The following SH3GL3 variants were observed in gnomAD, a reference collection of about 807,000 sequenced individuals.
SH3GL3 encodes SH3 domain containing GRB2 like 3, endophilin A3.
Under a neutral mutation model 47.7 loss-of-function variants are expected in SH3GL3, and 33 were observed. The observed-to-expected ratio is 0.69, with a 90% CI of 0.52 to 0.92. The LOEUF (loss-of-function observed/expected upper bound fraction) is 0.92, where lower values mean the gene tolerates loss of function less well. Among genes scored for constraint, SH3GL3 ranks in the 40% least tolerant of loss-of-function variants. SH3GL3 has a pLI of 0.00. For missense variants in SH3GL3, 363 were observed against 417.8 expected (o/e 0.87, Z 1.14); for synonymous variants, 155 against 148.8 (o/e 1.04, Z -0.30).
At position 83,478,656 on chromosome 15, in the gene SH3GL3, G is replaced by A. The variant is rs923102785; in HGVS notation, c.45+31078G>A. ...TAAGAGTTGAGTTCAGAATCAGAGAGACCTGGCTGGAGTCGCAGCTCAGCC... is the reference window on the plus strand; with the variant it reads ...TAAGAGTTGAGTTCAGAATCAGAGAAACCTGGCTGGAGTCGCAGCTCAGCC... On this transcript the variant is annotated intron_variant, in intron 1 of 8. Coordinates refer to ENST00000427482, the MANE Select transcript of SH3GL3 (RefSeq NM_003027.5). Among the ~76,000 whole-genome samples the A allele has an allele frequency of 6.4e-4, 97 of 152,206 alleles. 1 individual carries two copies. Among genetic ancestry groups the A allele is most frequent in the African/African-American group, 2.3e-3 (94 of 41,440 alleles).
At chr15:83,489,200 G>A (rs1172919334) in intron 1 of SH3GL3, 4 of 152,206 alleles carry the variant, frequency 2.6e-5, no homozygotes, top group African/African-American at 7.2e-5. Context: ...TTATGAGGCT[G>A]GTTCTTGGGT....
chr15:83,479,707 T>C (rs756743949), intron 1 of SH3GL3, among the ~76,000 whole-genome samples: 3 of 152,162 alleles, frequency 2.0e-5, no homozygotes, highest in Non-Finnish European at 2.9e-5. Context: ...GTTGCAGGTG[T>C]TTGTGGTAAC....
At chr15:83,623,339 G>T (rs564885199), downstream of SH3GL3, among the ~76,000 whole-genome samples, 1 of 152,328 alleles carries the variant, frequency 6.6e-6, no homozygotes, top group South Asian at 2.1e-4. Context: ...AGCTCTTCAG[G>T]TCTCAGCTGG....
intron 8 of SH3GL3, among the ~76,000 whole-genome samples, chr15:83,590,934 T>TG (rs1363029627): frequency 6.6e-6 from 1 of 152,230 alleles, no homozygotes; most frequent in African/African-American, 2.4e-5. Context: ...AAGTCCAATG[T>TG]ATTCATGTTT....
chr15:83,512,972 A>G (rs1052266705), intron 1 of SH3GL3, among the ~76,000 whole-genome samples: 1 of 152,226 alleles, frequency 6.6e-6, no homozygotes, highest in African/African-American at 2.4e-5. Context: ...TTTTGGAAAT[A>G]TATTTACATA....
At chr15:83,556,222 G>T (rs2044951594) in intron 1 of SH3GL3, among the ~76,000 whole-genome samples, 1 of 152,184 alleles carries the variant, frequency 6.6e-6, no homozygotes, top group Non-Finnish European at 1.5e-5. Flanking sequence ...TCATGTCCCT[G>T]CACATAGTAG....
chr15:83,589,344 C>CAT (rs2060033441), intron 8 of SH3GL3, among the ~76,000 whole-genome samples: 1 of 152,058 alleles, frequency 6.6e-6, no homozygotes, highest in African/African-American at 2.4e-5. Flanking sequence ...CATAAATATA[C>CAT]ACATAAACAG....
intron 1 of SH3GL3, among the ~76,000 whole-genome samples, chr15:83,490,288 T>C (rs1385506496): frequency 1.3e-5 from 2 of 148,634 alleles, no homozygotes; most frequent in Non-Finnish European, 3.0e-5. Flanking sequence ...TTTTTTCCGC[T>C]GACCCTCATT....
the SH3GL3 span, among the ~76,000 whole-genome samples, chr15:83,628,492 C>T: frequency 6.6e-6 from 1 of 152,148 alleles, no homozygotes; most frequent in African/African-American, 2.4e-5. Flanking sequence ...CCTGTAATCC[C>T]AGCATTTTGG....
chr15:83,608,482 G>C (rs868085644), intron 8 of SH3GL3, among the ~76,000 whole-genome samples: 1 of 152,146 alleles, frequency 6.6e-6, no homozygotes, highest in South Asian at 2.1e-4. Context: ...GTTGTATCTG[G>C]GTCAGATAGA....
chr15:83,592,936 AC>A (rs1427654634), intron 8 of SH3GL3, among the ~76,000 whole-genome samples: 19 of 78,176 alleles, frequency 2.4e-4, no homozygotes, highest in Non-Finnish European at 7.3e-4. Context: ...AAAAGAACAA[AC>A]AAAAAAAAAA....
intron 8 of SH3GL3, among the ~76,000 whole-genome samples, chr15:83,596,848 C>G (rs1272714416): frequency 6.6e-6 from 1 of 152,088 alleles, no homozygotes; most frequent in Non-Finnish European, 1.5e-5. Flanking sequence ...TAAACAACTA[C>G]TAGAGGTTGA....
chr15:83,562,856 T>C (rs1265580891), intron 2 of SH3GL3, among the ~76,000 whole-genome samples: 1 of 152,200 alleles, frequency 6.6e-6, no homozygotes. Context: ...ATTTCAACAA[T>C]CTTGGCAAAT....
rs2042005478 is a variant in SH3GL3, at chr15:83,494,584, C to T, written c.45+47006C>T. ...TTTGAGGTGAGTCTTGCTCTGTCAC[C>T]CAGGCTGGAGTGCAATGGTGTCATC... On this transcript the variant is annotated intron_variant, in intron 1 of 8. Transcript: ENST00000427482. 2.0e-5 allele frequency among the ~76,000 whole-genome samples: 3 copies of T among 151,550 alleles called. No individual in the cohort carries two copies. The South Asian group carries it at 6.3e-4, about 32-fold the overall frequency.
At chr15:83,545,427 T>C (rs1199714378) in intron 1 of SH3GL3, among the ~76,000 whole-genome samples, 1 of 152,244 alleles carries the variant, frequency 6.6e-6, no homozygotes, top group East Asian at 1.9e-4. Context: ...CACTGTATTA[T>C]CTTGGATTTC....
At chr15:83,467,440 A>G (rs2040618892) in intron 1 of SH3GL3, among the ~76,000 whole-genome samples, 1 of 152,182 alleles carries the variant, frequency 6.6e-6, no homozygotes, top group Admixed American at 6.5e-5. Context: ...GACTGTAGCT[A>G]TATTCTAAGT....
At chr15:83,492,589 C>A (rs71395413) in intron 1 of SH3GL3, among the ~76,000 whole-genome samples, 1 of 152,190 alleles carries the variant, frequency 6.6e-6, no homozygotes, top group Non-Finnish European at 1.5e-5. Context: ...TTTATTCTGT[C>A]CCCAAGGTTA....
chr15:83,598,341 C>T (rs2060286961), intron 8 of SH3GL3, among the ~76,000 whole-genome samples: 1 of 152,206 alleles, frequency 6.6e-6, no homozygotes, highest in African/African-American at 2.4e-5. Context: ...ACTGTCACAG[C>T]ATTCCGCTTT....
intron 3 of SH3GL3, among the ~76,000 whole-genome samples, chr15:83,566,813 T>A (rs1292336729): frequency 6.6e-6 from 1 of 152,144 alleles, no homozygotes; most frequent in Non-Finnish European, 1.5e-5. Flanking sequence ...GTCAGGTGAA[T>A]GTGAGTGGCA....
Sources: gnomAD v4.1 joint callset for allele counts (sites outside exome capture counted in the v4.1 genomes callset) on GRCh38, gnomAD v4.1.1 for gene constraint, MANE v1.5 for transcripts, NCBI Gene and HGNC (gene_info 2026-07-23, HGNC 2026-07-21) for gene names.